The following CDKL5 variants were observed in gnomAD, a reference collection of about 807,000 sequenced individuals.
CDKL5 encodes the protein cyclin-dependent kinase-like 5.
Under a neutral mutation model 61.7 loss-of-function variants are expected in CDKL5, and 8 were observed. That is an observed-to-expected ratio of 0.13 (90% CI 0.08 to 0.23). CDKL5 has a LOEUF of 0.23. Among genes scored for constraint, CDKL5 ranks in the 10% least tolerant of loss-of-function variants. CDKL5 has a pLI of 1.00. For synonymous variants in CDKL5, 275 were observed against 272.3 expected (o/e 1.01, Z -0.10); for missense variants, 440 against 734.5 (o/e 0.60, Z 4.63).
chrX:18,435,553 C>G (rs1026837528), intron 1 of CDKL5, among the ~76,000 whole-genome samples: 10 of 110,283 alleles, frequency 9.1e-5, no homozygotes, highest in African/African-American at 3.3e-4. Flanking sequence ...GTAAGTAGGC[C>G]CTGCCCTCAA....
chrX:18,601,664 T>G (rs1009321334), intron 11 of CDKL5, among the ~76,000 whole-genome samples: 1 of 112,486 alleles, frequency 8.9e-6, no homozygotes, highest in Non-Finnish European at 1.9e-5. Flanking sequence ...TGTACACTTA[T>G]GGAAAACCTA....
Position 18,581,966 on chromosome X carries a change from A to AT in CDKL5, c.463+18dup. The AT allele has an allele frequency of 9.1e-7, 1 of 1,098,397 alleles. No individual in the cohort carries two copies. The highest frequency in any genetic ancestry group is 1.3e-6 in the Non-Finnish European group (1 of 793,526). 90.5% of individuals were successfully genotyped at this position (1,098,397 alleles called of 1,213,427 possible). A position where few individuals can be genotyped will look rare whatever the true frequency, so the allele number is the denominator to read the frequency against. ...TGTGACTTTGGTAAGTTAAAAAGAA[A>AT]TTAAGTCCTGGTACTTACAGAATTA... On this transcript the variant is annotated intron_variant, in intron 7 of 17. Coordinates refer to ENST00000623535, the MANE Select transcript of CDKL5 (RefSeq NM_001323289.2).
At chrX:18,648,257 CTTTT>C (rs1927873831) in intron 20 of CDKL5, among the ~76,000 whole-genome samples, 1 of 106,146 alleles carries the variant, frequency 9.4e-6, no homozygotes, top group African/African-American at 3.5e-5. Context: ...TTTTTTTTTT[CTTTT>C]GAGACAGGGT....
intron 3 of CDKL5, among the ~76,000 whole-genome samples, chrX:18,536,991 CT>C (rs377081484): frequency 0.047 from 4,514 of 95,561 alleles, 251 homozygotes; most frequent in African/African-American, 0.15. Context: ...AAAAATGTAG[CT>C]TTTTTTTTTT....
intron 1 of CDKL5, among the ~76,000 whole-genome samples, chrX:18,489,204 C>T (rs939245638): frequency 2.7e-5 from 3 of 110,841 alleles, no homozygotes; most frequent in African/African-American, 3.3e-5. Flanking sequence ...CTGCAACCTC[C>T]GCCTCCCAGG....
chrX:18,648,518 C>T (rs1215640981), intron 20 of CDKL5, among the ~76,000 whole-genome samples: 1 of 111,049 alleles, frequency 9.0e-6, no homozygotes, highest in African/African-American at 3.3e-5. Flanking sequence ...CTAGGGATTA[C>T]AGGTGTGAGC....
At chrX:18,488,744 C>A (rs1010813196) in intron 1 of CDKL5, among the ~76,000 whole-genome samples, 4 of 111,498 alleles carry the variant, frequency 3.6e-5, no homozygotes, top group African/African-American at 3.3e-5. Flanking sequence ...TGAATGAAAC[C>A]CTCCTCTCAG....
chrX:18,460,690 G>A (rs1291612148), intron 1 of CDKL5, among the ~76,000 whole-genome samples: 5 of 110,528 alleles, frequency 4.5e-5, no homozygotes, highest in South Asian at 3.8e-4. Flanking sequence ...TTGTAGAAGC[G>A]GGGTTTTGTC....
rs201473442 is a variant in CDKL5, at chrX:18,628,526, C to T, written c.2652C>T (p.Gly884=). 1.5e-4 allele frequency: 187 copies of T among 1,210,414 alleles called. No homozygotes were observed. The East Asian group carries it at 3.0e-3, about 20-fold the overall frequency. ...TTCACCCCCTGAGCCAGGCCTCTGG[C>T]GGGAGCAGCAACATCCGGCAGGAAC... ...IRIHPLSQAS[G]GSSNIRQEPA... is the part of the protein sequence containing the mutation. Residue 884 remains glycine, a synonymous_variant, in exon 18 of 18, where the codon GGC becomes GGT. Coordinates refer to ENST00000623535, the MANE Select transcript of CDKL5 (RefSeq NM_001323289.2).
At chrX:18,614,811 T>C (rs951531338) in intron 15 of CDKL5, among the ~76,000 whole-genome samples, 1 of 112,404 alleles carries the variant, frequency 8.9e-6, no homozygotes, top group Non-Finnish European at 1.9e-5. Flanking sequence ...GACAAAATTG[T>C]CTAAATGGTG....
At chrX:18,554,330 G>C (rs1484514377) in intron 3 of CDKL5, among the ~76,000 whole-genome samples, 1 of 105,407 alleles carries the variant, frequency 9.5e-6, no homozygotes, top group Non-Finnish European at 1.9e-5. Flanking sequence ...ATTGTTTTTG[G>C]CCTAATGAAA....
rs769901895 is a variant in CDKL5, at chrX:18,609,705, C to T, written c.2152+135C>T. 5.0e-5 allele frequency: 54 copies of T among 1,076,521 alleles called. 1 individual carries two copies. The South Asian group carries it at 1.0e-3, about 20-fold the overall frequency. The allele number at this position is 1,076,521 out of a possible 1,213,427, so 88.7% of individuals were successfully genotyped here. ...CTTCCAGCGGTTCTCCCTGCCTCTG[C>T]TCCTGCTAAGTCAGGCCCTCCTGGC... On this transcript the variant is annotated intron_variant, in intron 14 of 17. Transcript: ENST00000623535.
chrX:18,518,388 ATTTTTTTTTTTTTTTTTTTT>A (rs779361711), intron 3 of CDKL5, among the ~76,000 whole-genome samples: 93 of 21,167 alleles, frequency 4.4e-3, no homozygotes, highest in South Asian at 0.027. Context: ...TTCTTTTCTT[ATTTTTTTTTTTTTTTTTTTT>A]TTTTTTTTTT....
At chrX:18,450,039 C>T (rs1209018615) in intron 1 of CDKL5, among the ~76,000 whole-genome samples, 1 of 112,106 alleles carries the variant, frequency 8.9e-6, no homozygotes, top group African/African-American at 3.2e-5. Context: ...GTGATCTGCC[C>T]GCCTCGGCCT....
At chrX:18,649,117 A>AT (rs1297733854) in intron 20 of CDKL5, among the ~76,000 whole-genome samples, 5 of 110,172 alleles carry the variant, frequency 4.5e-5, no homozygotes, top group East Asian at 2.8e-4. Context: ...CCTACCCCTA[A>AT]TTTTTTTTAC....
intron 1 of CDKL5, among the ~76,000 whole-genome samples, chrX:18,448,819 T>A (rs1011357254): frequency 1.8e-5 from 2 of 112,126 alleles, no homozygotes; most frequent in Non-Finnish European, 3.8e-5. Flanking sequence ...GAAAAATGTA[T>A]CTTTGGAGGG....
In CDKL5 at chrX:18,608,818, A is replaced by T; in HGVS notation, c.1952A>T (p.Glu651Val). Residue 651 changes from glutamate (E) to valine (V), a missense_variant, in exon 13 of 18, where the codon GAA (glutamate) becomes GTA (valine). Glu to Val is a moderately radical substitution (Grantham distance 121). This residue lies in a region of CDKL5 where 363 missense variants were observed against 516.3 expected (regional missense o/e 0.70). Coordinates refer to ENST00000623535, the MANE Select transcript of CDKL5 (RefSeq NM_001323289.2). The part of the protein sequence containing the change: ...SLQLLSPQPG[E>V]QLPPEMTVAR... ...TTTAAATTTTACTTCCAGCCTGGAG[A>T]ACAGCTCCCTCCAGAGATGACTGTG... 8.3e-7 allele frequency: 1 copy of T among 1,199,262 alleles called. No individual in the cohort carries two copies. Among genetic ancestry groups the T allele is most frequent in the Non-Finnish European group, 1.1e-6 (1 of 884,494 alleles).
chrX:18,458,945 A>G (rs977865905), intron 1 of CDKL5, among the ~76,000 whole-genome samples: 10 of 111,810 alleles, frequency 8.9e-5, no homozygotes, highest in African/African-American at 3.3e-4. Context: ...ACTTCCTGGC[A>G]TTATTATTAC....
intron 3 of CDKL5, among the ~76,000 whole-genome samples, chrX:18,526,660 A>G (rs1050547149): frequency 9.0e-6 from 1 of 111,353 alleles, no homozygotes; most frequent in African/African-American, 3.3e-5. Context: ...TAAATCGGTG[A>G]CGGAGATTGA....
Sources: gnomAD v4.1 joint callset for allele counts (sites outside exome capture counted in the v4.1 genomes callset) on GRCh38, gnomAD v4.1.1 for gene constraint, gnomAD v4.1.1 regional missense constraint, MANE v1.5 for transcripts, NCBI Gene and HGNC (gene_info 2026-07-23, HGNC 2026-07-21) for gene names.